PCDH9: variants seen among roughly 807,000 people sequenced by gnomAD.
PCDH9 encodes protocadherin-9.
In PCDH9, 24 loss-of-function variants were observed where a neutral mutation model predicts 70.6. The ratio of observed to expected loss-of-function variants is 0.34; its 90% CI spans 0.25 to 0.48. The LOEUF is 0.48. Among genes scored for constraint, PCDH9 ranks in the 20% least tolerant of loss-of-function variants. PCDH9 has a pLI of 0.99. For missense variants in PCDH9, 1,281 were observed against 1,503.6 expected, an observed-to-expected ratio of 0.85 and a Z score of 2.45; for synonymous variants, 562 against 558.5, an observed-to-expected ratio of 1.01 and a Z score of -0.09.
intron 4 of PCDH9, among the ~76,000 whole-genome samples, chr13:66,440,633 CA>C (rs1290514165): frequency 6.6e-6 from 1 of 152,036 alleles, no homozygotes; most frequent in African/African-American, 2.4e-5. Flanking sequence ...AATCTCAAGG[CA>C]AATAGCTAAT....
At chr13:66,936,830 GATA>G (rs1301202581) in intron 2 of PCDH9, among the ~76,000 whole-genome samples, 2 of 152,266 alleles carry the variant, frequency 1.3e-5, no homozygotes, top group East Asian at 3.9e-4. Context: ...GTAAAATGGG[GATA>G]ATATTTATTC....
intron 2 of PCDH9, among the ~76,000 whole-genome samples, chr13:67,092,278 T>G (rs1234615726): frequency 6.6e-6 from 1 of 152,214 alleles, no homozygotes; most frequent in East Asian, 1.9e-4. Flanking sequence ...TGTAAAGCAA[T>G]TTCAATCTCT....
chr13:66,694,886 C>T (rs528309617), intron 3 of PCDH9, among the ~76,000 whole-genome samples: 50 of 151,470 alleles, frequency 3.3e-4, no homozygotes, highest in African/African-American at 1.1e-3. Context: ...TTTAAAAATG[C>T]ATAGTCATCA....
intron 4 of PCDH9, among the ~76,000 whole-genome samples, chr13:66,600,767 T>TGTGG (rs1480671909): frequency 8.3e-5 from 2 of 24,214 alleles, no homozygotes; most frequent in Non-Finnish European, 2.5e-4. Flanking sequence ...ATTAAGAACG[T>TGTGG]GTGTGTGTGT....
chr13:66,558,525 TAA>T (rs1961846914), intron 4 of PCDH9, among the ~76,000 whole-genome samples: 1 of 151,928 alleles, frequency 6.6e-6, no homozygotes, highest in Non-Finnish European at 1.5e-5. Flanking sequence ...AGGGGTGAGT[TAA>T]AGAGTTGCTG....
At chr13:66,541,992 C>G (rs1192187142) in intron 4 of PCDH9, among the ~76,000 whole-genome samples, 1 of 151,904 alleles carries the variant, frequency 6.6e-6, no homozygotes, top group Non-Finnish European at 1.5e-5. Context: ...ATTTTTAGTT[C>G]CTACAATGTT....
At chr13:66,413,684 T>A (rs1343676266) in intron 4 of PCDH9, among the ~76,000 whole-genome samples, 1 of 151,622 alleles carries the variant, frequency 6.6e-6, no homozygotes, top group African/African-American at 2.4e-5. Flanking sequence ...AGACTCCATC[T>A]TAAAAAAATA....
At chr13:66,326,585 A>AT (rs1320649958) in intron 4 of PCDH9, among the ~76,000 whole-genome samples, 4 of 151,772 alleles carry the variant, frequency 2.6e-5, no homozygotes, top group South Asian at 4.2e-4. Flanking sequence ...CGCCCGGATG[A>AT]TTTTTTGTAT....
At chr13:66,560,033 A>G (rs1288167557) in intron 4 of PCDH9, among the ~76,000 whole-genome samples, 1 of 151,888 alleles carries the variant, frequency 6.6e-6, no homozygotes, top group African/African-American at 2.4e-5. Context: ...TATTTTGTCC[A>G]AAATATAATT....
At chr13:66,650,542 C>T (rs1208645727) in intron 3 of PCDH9, among the ~76,000 whole-genome samples, 2 of 151,910 alleles carry the variant, frequency 1.3e-5, no homozygotes, top group Non-Finnish European at 2.9e-5. Context: ...GACTTCAACA[C>T]CCCACTTTCA....
chr13:66,636,137 G>A (rs543206115), intron 3 of PCDH9, among the ~76,000 whole-genome samples: 4 of 152,180 alleles, frequency 2.6e-5, no homozygotes, highest in Non-Finnish European at 4.4e-5. Flanking sequence ...AGTGTTTAAA[G>A]TAGTATTGTT....
chr13:66,903,905 G>C (rs569919748), intron 2 of PCDH9, among the ~76,000 whole-genome samples: 1 of 151,978 alleles, frequency 6.6e-6, no homozygotes, highest in African/African-American at 2.4e-5. Flanking sequence ...GTAGCTAAAA[G>C]TTATACGGTG....
intron 3 of PCDH9, among the ~76,000 whole-genome samples, chr13:66,849,517 T>TATATATATATATATATATATATATAG (rs1272589939): frequency 1.6e-5 from 1 of 63,582 alleles, no homozygotes; most frequent in Non-Finnish European, 2.6e-5. Context: ...TATATATATA[T>TATATATATATATATATATATATATAG]AGAGAGAGAG....
intron 4 of PCDH9, among the ~76,000 whole-genome samples, chr13:66,402,127 G>A (rs995456754): frequency 6.6e-6 from 1 of 151,988 alleles, no homozygotes; most frequent in Non-Finnish European, 1.5e-5. Flanking sequence ...CTTTCTCACA[G>A]ATGGCTTTCT....
chr13:67,192,196 C>T (rs964035282), intron 2 of PCDH9, among the ~76,000 whole-genome samples: 2 of 151,850 alleles, frequency 1.3e-5, no homozygotes, highest in African/African-American at 4.8e-5. Flanking sequence ...CGTATTCTTC[C>T]ACTATGCAAT....
intron 4 of PCDH9, among the ~76,000 whole-genome samples, chr13:66,562,521 C>T (rs542438136): frequency 6.6e-6 from 1 of 152,164 alleles, no homozygotes; most frequent in African/African-American, 2.4e-5. Flanking sequence ...GGAGCAAAGG[C>T]ATGTCTTACA....
chr13:66,961,263 A>G, intron 2 of PCDH9, among the ~76,000 whole-genome samples: 1 of 152,198 alleles, frequency 6.6e-6, no homozygotes, highest in East Asian at 1.9e-4. Flanking sequence ...CCTGTATGTG[A>G]CATGGGGGTT....
intron 3 of PCDH9, among the ~76,000 whole-genome samples, chr13:66,840,722 G>T (rs1054079045): frequency 6.6e-5 from 10 of 152,194 alleles, no homozygotes; most frequent in African/African-American, 2.4e-4. Context: ...ATGCTACATT[G>T]AGTATTTCTG....
At chr13:66,581,521 T>G (rs754295670) in intron 4 of PCDH9, among the ~76,000 whole-genome samples, 1 of 152,118 alleles carries the variant, frequency 6.6e-6, no homozygotes, top group Non-Finnish European at 1.5e-5. Flanking sequence ...TATTTATTCC[T>G]TTTCCTCACA....
Sources: allele counts gnomAD v4.1 joint callset (sites outside exome capture counted in the v4.1 genomes callset), GRCh38; gene constraint gnomAD v4.1.1; transcripts MANE v1.5; gene names NCBI Gene and HGNC (gene_info 2026-07-23, HGNC 2026-07-21).